Variants in PTPRN2 observed in about 807,000 individuals in gnomAD.
The protein encoded by PTPRN2 is receptor-type tyrosine-protein phosphatase N2.
In PTPRN2, 74 loss-of-function variants were observed where a neutral mutation model predicts 118.8. The ratio of observed to expected loss-of-function variants is 0.62; its 90% CI spans 0.52 to 0.76. PTPRN2 has a LOEUF of 0.76. Among genes scored for constraint, PTPRN2 ranks in the 30% least tolerant of loss-of-function variants. The pLI is 0.00. For missense variants in PTPRN2, 1,481 were observed against 1,394.4 expected (o/e 1.06, Z -0.99); for synonymous variants, 641 against 608.0 (o/e 1.05, Z -0.80).
chr7:158,119,104 T>C (rs914273343), intron 9 of PTPRN2, among the ~76,000 whole-genome samples: 1 of 152,300 alleles, frequency 6.6e-6, no homozygotes, highest in African/African-American at 2.4e-5. Context: ...GAAAGTAAAA[T>C]ATTTACATCA....
chr7:158,405,696 CTG>C (rs1233236429), intron 2 of PTPRN2, among the ~76,000 whole-genome samples: 2 of 152,258 alleles, frequency 1.3e-5, no homozygotes, highest in African/African-American at 4.8e-5. Context: ...TGAAACTTAT[CTG>C]TGTGTGGAGC....
Position 157,692,262 on chromosome 7 carries a change from G to C in PTPRN2, c.1789-9325C>G, listed in dbSNP as rs911673838. ...CCGGCTGCCCGCGGCGCCCGCTCCCGGCCCCTCCGGGGCCAACTCCTCCAC... is the reference window on the plus strand; with the variant it reads ...CCGGCTGCCCGCGGCGCCCGCTCCCCGCCCCTCCGGGGCCAACTCCTCCAC... On this transcript the variant is annotated intron_variant, in intron 12 of 22. Transcript: ENST00000389418. 6.7e-4 allele frequency among the ~76,000 whole-genome samples: 102 copies of C among 151,936 alleles called. 2 individuals are homozygous for C. The East Asian group carries it at 0.019, about 28-fold the overall frequency.
At chr7:158,323,969 A>G (rs200949541) in intron 2 of PTPRN2, among the ~76,000 whole-genome samples, 1 of 53,702 alleles carries the variant, frequency 1.9e-5, no homozygotes, top group Non-Finnish European at 4.0e-5. Context: ...CAACACATGT[A>G]CACACACACA....
At chr7:158,153,095 C>T (rs933793205) in intron 6 of PTPRN2, among the ~76,000 whole-genome samples, 7 of 152,188 alleles carry the variant, frequency 4.6e-5, no homozygotes, top group African/African-American at 1.7e-4. Flanking sequence ...CAAGAGCAGA[C>T]CGACAGACAC....
intron 12 of PTPRN2, among the ~76,000 whole-genome samples, chr7:157,886,136 G>C (rs1796434420): frequency 6.6e-6 from 1 of 152,182 alleles, no homozygotes; most frequent in African/African-American, 2.4e-5. Context: ...CTAGAGTTCA[G>C]TTGTTTAAAT....
chr7:158,144,751 G>A (rs150617540), intron 6 of PTPRN2, among the ~76,000 whole-genome samples: 43 of 152,276 alleles, frequency 2.8e-4, no homozygotes, highest in African/African-American at 8.2e-4. Context: ...AAGAGGCTGC[G>A]GTCTGTGTTT....
intron 5 of PTPRN2, among the ~76,000 whole-genome samples, chr7:158,178,202 T>A (rs1390168011): frequency 2.0e-5 from 3 of 152,206 alleles, no homozygotes; most frequent in Non-Finnish European, 4.4e-5. Flanking sequence ...CTTTTGCCCA[T>A]TTTTTAAATT....
At chr7:158,291,122 T>A (rs537865193) in intron 3 of PTPRN2, among the ~76,000 whole-genome samples, 9 of 152,208 alleles carry the variant, frequency 5.9e-5, no homozygotes, top group Non-Finnish European at 1.3e-4. Flanking sequence ...AGGCTTGCCT[T>A]CATTCCACCC....
intron 11 of PTPRN2, among the ~76,000 whole-genome samples, chr7:157,952,605 C>T (rs896518507): frequency 2.6e-5 from 4 of 152,068 alleles, no homozygotes; most frequent in Non-Finnish European, 4.4e-5. Context: ...AGGGAGCCAT[C>T]ATCTCATCTC....
Position 157,610,527 on chromosome 7 carries a change from G to A in PTPRN2, c.2345-6452C>T, listed in dbSNP as rs1802267799. On this transcript the variant is annotated intron_variant, in intron 15 of 22. Coordinates refer to ENST00000389418, the MANE Select transcript of PTPRN2 (RefSeq NM_002847.5). The surrounding 1 kb of genome is among the most constrained non-coding windows in gnomAD (Gnocchi z 5.1). ...CACAAGCTCCTGCTCCGAGTTTATGGTGTCCATCGAGGTCTGAGGGCTGCA... is the reference window on the plus strand; with the variant it reads ...CACAAGCTCCTGCTCCGAGTTTATGATGTCCATCGAGGTCTGAGGGCTGCA... 6.6e-6 allele frequency among the ~76,000 whole-genome samples: 1 copy of A among 152,210 alleles called. No individual in the cohort carries two copies. Among genetic ancestry groups the A allele is most frequent in the African/African-American group, 2.4e-5 (1 of 41,456 alleles).
intron 12 of PTPRN2, among the ~76,000 whole-genome samples, chr7:157,745,971 ACCC>A (rs1800901628): frequency 7.0e-6 from 1 of 142,532 alleles, no homozygotes; most frequent in Non-Finnish European, 1.5e-5. Flanking sequence ...CCTCCCCTGC[ACCC>A]CACAGTCCTC....
rs528268645 is a variant in PTPRN2, at chr7:158,321,291, C to T, written c.164-4359G>A. On this transcript the variant is annotated intron_variant, in intron 2 of 22. Transcript: ENST00000389418. The stretch of plus-strand genomic sequence containing the variant: ...ATCACCCTAGAAACCACCCAGAGCC[C>T]GTAACCCTCAGGCCCCTCCTCTGCG... Among the ~76,000 whole-genome samples, 7 of 152,292 alleles carry T rather than the reference C, an allele frequency of 4.6e-5. No homozygotes were observed. The East Asian group carries it at 7.7e-4, about 17-fold the overall frequency.
chr7:157,824,456 A>C (rs952308109), intron 12 of PTPRN2, among the ~76,000 whole-genome samples: 2 of 152,208 alleles, frequency 1.3e-5, no homozygotes, highest in Non-Finnish European at 2.9e-5. Context: ...GGACAAGTGC[A>C]TGCTGTCCGT....
chr7:157,935,585 T>G (rs1799647635), intron 11 of PTPRN2, among the ~76,000 whole-genome samples: 1 of 152,248 alleles, frequency 6.6e-6, no homozygotes, highest in African/African-American at 2.4e-5. Context: ...TAAGTCCTTG[T>G]CTGGTTGATT....
At chr7:157,941,664 T>C (rs1419994838) in intron 11 of PTPRN2, among the ~76,000 whole-genome samples, 1 of 152,180 alleles carries the variant, frequency 6.6e-6, no homozygotes, top group Non-Finnish European at 1.5e-5. Flanking sequence ...ATAAAAGATC[T>C]CTGTAATTTT....
At chr7:157,768,455 C>T (rs1461799265) in intron 12 of PTPRN2, among the ~76,000 whole-genome samples, 3 of 152,186 alleles carry the variant, frequency 2.0e-5, no homozygotes, top group Non-Finnish European at 4.4e-5. Flanking sequence ...GCCGGACGCC[C>T]CACGCTGGCC....
At chr7:158,149,283 AC>A (rs1820645291) in intron 6 of PTPRN2, among the ~76,000 whole-genome samples, 1 of 152,118 alleles carries the variant, frequency 6.6e-6, no homozygotes, top group Admixed American at 6.5e-5. Flanking sequence ...AGACCTCCAA[AC>A]TTTTATAAAG....
At chr7:158,337,364 C>G (rs1451740702) in intron 2 of PTPRN2, among the ~76,000 whole-genome samples, 1 of 90,922 alleles carries the variant, frequency 1.1e-5, no homozygotes, top group African/African-American at 3.7e-5. Flanking sequence ...AGACGTCCCT[C>G]ACACCCACAC....
intron 3 of PTPRN2, among the ~76,000 whole-genome samples, chr7:158,280,120 C>T (rs1404350839): frequency 1.3e-5 from 2 of 152,302 alleles, no homozygotes; most frequent in South Asian, 4.1e-4. Flanking sequence ...AATGCTTTAA[C>T]TGGCCTGTCA....
Sources: allele counts gnomAD v4.1 joint callset (sites outside exome capture counted in the v4.1 genomes callset), GRCh38; gene constraint gnomAD v4.1.1; non-coding constraint Gnocchi (gnomAD v3.1); transcripts MANE v1.5; gene names NCBI Gene and HGNC (gene_info 2026-07-23, HGNC 2026-07-21).